MTCL1: variants seen among roughly 807,000 people sequenced by gnomAD.
The protein encoded by MTCL1 is microtubule cross-linking factor 1.
Under a neutral mutation model 141.4 loss-of-function variants are expected in MTCL1, and 79 were observed. The observed-to-expected ratio is 0.56, with a 90% CI of 0.47 to 0.67. The LOEUF is 0.67. Ranked by LOEUF, MTCL1 falls within the 30% of genes least tolerant of loss-of-function variation. MTCL1 has a pLI of 0.00. For missense variants in MTCL1, 2,177 were observed against 2,113.9 expected (o/e 1.03, Z -0.59); for synonymous variants, 914 against 875.8 (o/e 1.04, Z -0.77).
chr18:8,816,199 C>T (rs1213876359), intron 12 of MTCL1, among the ~76,000 whole-genome samples: 2 of 152,200 alleles, frequency 1.3e-5, no homozygotes, highest in East Asian at 1.9e-4. Flanking sequence ...CTACATACTC[C>T]GTAGATAAAT....
intron 4 of MTCL1, among the ~76,000 whole-genome samples, chr18:8,776,972 C>T (rs1010112158): frequency 6.6e-6 from 1 of 151,908 alleles, no homozygotes. Flanking sequence ...TGGTGGCTCA[C>T]GCCTGCAATC....
intron 1 of MTCL1, chr18:8,707,410 G>T (rs1567916719): frequency 6.6e-6 from 1 of 152,582 alleles, no homozygotes; most frequent in African/African-American, 2.4e-5. Flanking sequence ...CTAAGGAATC[G>T]CGGCGCCTGC....
chr18:8,706,998 C>T, intron 1 of MTCL1: 1 of 409,842 alleles, frequency 2.4e-6, no homozygotes, highest in South Asian at 3.5e-5. Flanking sequence ...CCTGTTGGGG[C>T]AGAGGAGGCT....
intron 9 of MTCL1, 22 bp from the exon 9 acceptor site, chr18:8,798,075 C>A: frequency 6.4e-7 from 1 of 1,554,968 alleles, no homozygotes; most frequent in Non-Finnish European, 8.6e-7. Context: ...AAGCTGTGAT[C>A]GTCACCTCCT....
In MTCL1 at chr18:8,796,584, T is replaced by G. The variant is rs2075929268; in HGVS notation, c.2241+122T>G. ...ATTATTTTATTTCTCAATATTTGGT[T>G]AACATCTAATATTGCAAAAAAGATG... On this transcript the variant is annotated intron_variant, in intron 9 of 16. Transcript: ENST00000359865. The G allele has an allele frequency of 1.1e-5, 11 of 1,008,672 alleles. No homozygotes were observed. In the South Asian group the frequency reaches 1.9e-4, roughly 17 times the overall value. 62.5% of individuals were successfully genotyped at this position (1,008,672 alleles called of 1,614,324 possible). A position where few individuals can be genotyped will look rare whatever the true frequency, so the allele number is the denominator to read the frequency against.
chr18:8,773,813 TATTG>T (rs1193606645), intron 4 of MTCL1, among the ~76,000 whole-genome samples: 2 of 152,214 alleles, frequency 1.3e-5, no homozygotes, highest in Non-Finnish European at 2.9e-5. Flanking sequence ...ATATGACCTG[TATTG>T]ATTATTAAAA....
intron 2 of MTCL1, 98 bp from the exon 2 acceptor site, chr18:8,718,326 A>T: frequency 8.5e-7 from 1 of 1,172,754 alleles, no homozygotes; most frequent in East Asian, 2.4e-5. Flanking sequence ...GCGTGTAGGT[A>T]TTCAATATTT....
rs1182907357 is a variant in MTCL1, at chr18:8,822,089, C to T, written c.3188+591C>T. Among the ~76,000 whole-genome samples the T allele has an allele frequency of 6.6e-6, 1 of 152,216 alleles. No homozygotes were observed. The highest frequency in any genetic ancestry group is 1.5e-5 in the Non-Finnish European group (1 of 68,042). On this transcript the variant is annotated intron_variant, in intron 14 of 16. Transcript: ENST00000359865. The surrounding 1 kb of genome is among the most constrained non-coding windows in gnomAD (Gnocchi z 4.6). ...GCAATTCAGCATTTCCAGATCGCCTCATCCTTGATTTTCCTCTGAACTTCG... is the reference window on the plus strand; with the variant it reads ...GCAATTCAGCATTTCCAGATCGCCTTATCCTTGATTTTCCTCTGAACTTCG...
At chr18:8,784,352 G>A in exon 6 of MTCL1, 4 of 1,538,752 alleles carry the variant, frequency 2.6e-6, no homozygotes, top group African/African-American at 1.4e-5. Flanking sequence ...GCCTGTTGGC[G>A]GGGAGAGTGA....
At chr18:8,730,463 C>T (rs1041947911) in intron 4 of MTCL1, among the ~76,000 whole-genome samples, 1 of 152,100 alleles carries the variant, frequency 6.6e-6, no homozygotes, top group Non-Finnish European at 1.5e-5. Flanking sequence ...ATATCATTAC[C>T]TAAGGATAGT....
In MTCL1 at chr18:8,786,110, T is replaced by A. The variant is rs866334840; in HGVS notation, c.1887+19T>A. 39 of 1,313,414 alleles carry A rather than the reference T, an allele frequency of 3.0e-5. No individual in the cohort carries two copies. Among genetic ancestry groups the A allele is most frequent in the Admixed American group, 2.5e-5 (1 of 39,924 alleles). 81.4% of individuals were successfully genotyped at this position (1,313,414 alleles called of 1,614,324 possible). A position where few individuals can be genotyped will look rare whatever the true frequency, so the allele number is the denominator to read the frequency against. On this transcript the variant is annotated intron_variant, in intron 7 of 16. Coordinates refer to ENST00000359865, the Ensembl canonical transcript of MTCL1. ...CCTGGAGGTCAGCGTGGGCAAGCAA[T>A]CCCCCCCCCCCGCCCTCCCCCTCCT...
At chr18:8,808,553 A>G (rs934624665) in intron 11 of MTCL1, among the ~76,000 whole-genome samples, 7 of 152,220 alleles carry the variant, frequency 4.6e-5, no homozygotes, top group African/African-American at 1.7e-4. Context: ...TGCCCAAATC[A>G]TTTAGGAAGT....
At chr18:8,826,737 A>T (rs2077039984) in intron 15 of MTCL1, among the ~76,000 whole-genome samples, 3 of 152,220 alleles carry the variant, frequency 2.0e-5, no homozygotes, top group Admixed American at 2.0e-4. Context: ...CAAAACAGCC[A>T]TCTGGCAGCT....
At chr18:8,737,031 A>C (rs1383220213) in intron 4 of MTCL1, among the ~76,000 whole-genome samples, 1 of 152,186 alleles carries the variant, frequency 6.6e-6, no homozygotes, top group East Asian at 1.9e-4. Context: ...AGGGGATTTA[A>C]AGAGCTATTT....
At chr18:8,737,897 G>C (rs2160914) in intron 4 of MTCL1, among the ~76,000 whole-genome samples, 120,882 of 152,198 alleles carry the variant, frequency 0.79, 48,332 homozygotes, top group East Asian at 0.96. Flanking sequence ...GGGGCCATGT[G>C]AGCATGATGA....
chr18:8,766,497 A>G (rs2096460666), intron 4 of MTCL1, among the ~76,000 whole-genome samples: 1 of 152,158 alleles, frequency 6.6e-6, no homozygotes, highest in African/African-American at 2.4e-5. Context: ...TGCAGTGAAA[A>G]CACCAGCTCT....
chr18:8,808,193 G>A (rs1436358767), intron 11 of MTCL1, among the ~76,000 whole-genome samples: 2 of 152,120 alleles, frequency 1.3e-5, no homozygotes, highest in South Asian at 2.1e-4. Flanking sequence ...GCCCGCGGGG[G>A]ATTTGACCTA....
rs1307168580 is a variant in MTCL1, at chr18:8,825,501, A to G, written c.3991A>G (p.Thr1331Ala). 2 of 1,611,668 alleles carry G rather than the reference A, an allele frequency of 1.2e-6. No homozygotes were observed. The highest frequency in any genetic ancestry group is 1.7e-6 in the Non-Finnish European group (2 of 1,178,528). Reference sequence around the variant, plus strand: ...TCAGACCATCAGTGTGGGCTTGCAGACTGAAGCCCTGCGTGGCAGCGGTGT... The same window carrying G: ...TCAGACCATCAGTGTGGGCTTGCAGGCTGAAGCCCTGCGTGGCAGCGGTGT... Residue 1331 changes from threonine (T) to alanine (A), a missense_variant, in exon 15 of 17, where the codon ACT (threonine) becomes GCT (alanine). By Grantham distance (58) the Thr-to-Ala change is moderately conservative. Coordinates refer to ENST00000359865, the Ensembl canonical transcript of MTCL1.
rs149401543 is a variant in MTCL1, at chr18:8,822,538, G to A, written c.3188+1040G>A. Among the ~76,000 whole-genome samples the A allele has an allele frequency of 2.2e-4, 34 of 152,118 alleles. No homozygotes were observed. In the East Asian group the frequency reaches 6.2e-3, roughly 28 times the overall value. ...ATTCCTGACCTCAGGTGATCCACCC[G>A]CCTCAGCCTCCCGAAGTGCTGGGAT... On this transcript the variant is annotated intron_variant, in intron 14 of 16. Coordinates refer to ENST00000359865, the Ensembl canonical transcript of MTCL1. The surrounding 1 kb of genome is among the most constrained non-coding windows in gnomAD (Gnocchi z 4.6).
Sources: allele counts gnomAD v4.1 joint callset (sites outside exome capture counted in the v4.1 genomes callset), GRCh38; gene constraint gnomAD v4.1.1; non-coding constraint Gnocchi (gnomAD v3.1); transcripts MANE v1.5; gene names NCBI Gene and HGNC (gene_info 2026-07-23, HGNC 2026-07-21).